The following BRPF1 variants were observed in gnomAD, a reference collection of about 807,000 sequenced individuals.
BRPF1 encodes peregrin.
A neutral mutation model predicts 115.0 loss-of-function variants in BRPF1; 15 were observed. That is an observed-to-expected ratio of 0.13 (90% CI 0.09 to 0.20). BRPF1 has a LOEUF of 0.20. Among genes scored for constraint, BRPF1 ranks in the 10% least tolerant of loss-of-function variants. BRPF1 has a pLI of 1.00. For synonymous variants in BRPF1, 647 were observed against 619.8 expected (o/e 1.04, Z -0.65); for missense variants, 1,118 against 1,638.3 (o/e 0.68, Z 5.48).
At position 9,734,066 on chromosome 3, in the gene BRPF1, G is replaced by C; in HGVS notation, c.-10-65G>C. ...TGAGGGGGAGGGCTAGAAAGACTGG[G>C]GTCTCTGGTGCAAATGGCCAGGAAC... On this transcript the variant is annotated intron_variant, in intron 1 of 13. Transcript: ENST00000383829. This position sits in a 1 kb window ranked among gnomAD's most constrained non-coding sequence, Gnocchi z 5.7. 1.3e-6 allele frequency: 2 copies of C among 1,518,970 alleles called. No homozygotes were observed. The highest frequency in any genetic ancestry group is 1.8e-6 in the Non-Finnish European group (2 of 1,136,226). 94.1% of individuals were successfully genotyped at this position (1,518,970 alleles called of 1,614,324 possible).
In BRPF1 at chr3:9,746,284, CTTA is replaced by C. The variant is rs776435529; in HGVS notation, c.3325-11_3325-9del. 11 of 1,533,640 alleles carry C rather than the reference CTTA, an allele frequency of 7.2e-6. No individual in the cohort carries two copies. The highest frequency in any genetic ancestry group is 4.2e-5 in the African/African-American group (3 of 72,176). ...GACATGGACTGAACCAAACTGGGCT[CTTA>C]TTATATCCTCAGATCATTGATCCAA... On this transcript the variant is annotated splice_polypyrimidine_tract_variant and intron_variant, in intron 12 of 13. Transcript: ENST00000383829.
At chr3:9,746,646 T>A (rs2077131911) in intron 13 of BRPF1, among the ~76,000 whole-genome samples, 192 bp downstream of exon 13, 1 of 152,108 alleles carries the variant, frequency 6.6e-6, no homozygotes, top group Admixed American at 6.5e-5. Flanking sequence ...TGGGCACTAG[T>A]GGACACAGCT....
chr3:9,738,519 G>C (rs1001792774), intron 2 of BRPF1, among the ~76,000 whole-genome samples: 10 of 152,320 alleles, frequency 6.6e-5, no homozygotes, highest in Admixed American at 6.5e-4. Flanking sequence ...CTCTAGTCGA[G>C]GCCCTGCCCA....
At chr3:9,740,006 C>CA (rs1390181516) in intron 3 of BRPF1, 48 bp downstream of exon 3, 1 of 1,496,822 alleles carries the variant, frequency 6.7e-7, no homozygotes, top group South Asian at 1.3e-5. Context: ...AAGGAGCCTC[C>CA]AGGAGAGGAG....
At chr3:9,738,513 A>AGTCGAGGCACTGGT (rs1280621465) in intron 2 of BRPF1, among the ~76,000 whole-genome samples, 2 of 152,232 alleles carry the variant, frequency 1.3e-5, no homozygotes, top group East Asian at 3.8e-4. Flanking sequence ...TGGCAGCTCT[A>AGTCGAGGCACTGGT]GTCGAGGCCC....
In BRPF1 at chr3:9,745,287, T is replaced by G. The variant is rs1205784969; in HGVS notation, c.3068+132T>G. ...GATTAAGATGGCTCAAACTCAAGGT[T>G]CTCTGCTAAATAAATAAATCAGTGT... On this transcript the variant is annotated intron_variant, in intron 10 of 13. Coordinates refer to ENST00000383829, the MANE Select transcript of BRPF1 (RefSeq NM_001003694.2). The surrounding 1 kb of genome is among the most constrained non-coding windows in gnomAD (Gnocchi z 5.1). 8 of 1,137,658 alleles carry G rather than the reference T, an allele frequency of 7.0e-6. No homozygotes were observed. The highest frequency in any genetic ancestry group is 8.6e-6 in the Non-Finnish European group (7 of 817,448). 70.5% of individuals were successfully genotyped at this position (1,137,658 alleles called of 1,614,324 possible). A position where few individuals can be genotyped will look rare whatever the true frequency, so the allele number is the denominator to read the frequency against.
At chr3:9,737,212 G>T (rs898452495) in intron 2 of BRPF1, among the ~76,000 whole-genome samples, 17 of 152,172 alleles carry the variant, frequency 1.1e-4, no homozygotes, top group Admixed American at 3.3e-4. Context: ...CCTTTCAAAT[G>T]AACAGTGATG....
chr3:9,737,444 T>A (rs2076960876), intron 2 of BRPF1, among the ~76,000 whole-genome samples: 1 of 152,212 alleles, frequency 6.6e-6, no homozygotes, highest in Non-Finnish European at 1.5e-5. Flanking sequence ...TGAAATAGGT[T>A]CAGATTATTA....
Position 9,742,121 on chromosome 3 carries a change from A to G in BRPF1, c.1951A>G (p.Asn651Asp), listed in dbSNP as rs1256318828. Residue 651 changes from asparagine (N) to aspartate (D), a missense_variant, in exon 6 of 14, where the codon AAC becomes GAC. By Grantham distance (23) the Asn-to-Asp change is conservative. This residue lies in a region of BRPF1 where 178 missense variants were observed against 303.7 expected (regional missense o/e 0.59). Transcript: ENST00000383829. Reference sequence around the variant, plus strand: ...GCAGCTCCAAGAGAAGGACACAGGCAACATCTTCAGCGAGCCGGTCCCTCT... The same window carrying G: ...GCAGCTCCAAGAGAAGGACACAGGCGACATCTTCAGCGAGCCGGTCCCTCT... ...LEQLQEKDTGNIFSEPVPLSE... is the reference protein window; with the variant it reads ...LEQLQEKDTGDIFSEPVPLSE... 6.2e-7 allele frequency: 1 copy of G among 1,614,098 alleles called. No homozygotes were observed. The highest frequency in any genetic ancestry group is 8.5e-7 in the Non-Finnish European group (1 of 1,180,044).
At position 9,734,924 on chromosome 3, in the gene BRPF1, A is replaced by C. The variant is rs201219501; in HGVS notation, c.599+185A>C. On this transcript the variant is annotated intron_variant, in intron 2 of 13. Transcript: ENST00000383829. This position sits in a 1 kb window ranked among gnomAD's most constrained non-coding sequence, Gnocchi z 5.7. ...CACTTACTCTACAGTGCCACACGCT[A>C]CTCCTTTATTTTATTCTCAAAACTC... is the stretch of plus-strand genomic sequence containing the variant. 2.0e-5 allele frequency among the ~76,000 whole-genome samples: 3 copies of C among 148,810 alleles called. No individual in the cohort carries two copies. The East Asian group carries it at 5.9e-4, about 29-fold the overall frequency.
Position 9,741,532 on chromosome 3 carries a change from G to A in BRPF1, c.1854+93G>A, listed in dbSNP as rs996045229. On this transcript the variant is annotated intron_variant, in intron 5 of 13. Coordinates refer to ENST00000383829, the MANE Select transcript of BRPF1 (RefSeq NM_001003694.2). ...GGCGCCTGTAGTCCCAGCTACTCGG[G>A]AGGCTGAGGCAGGAGAATGGCGTGA... is the stretch of plus-strand genomic sequence containing the variant. 5.3e-6 allele frequency: 7 copies of A among 1,318,410 alleles called. No homozygotes were observed. In the Admixed American group the frequency reaches 2.0e-4, roughly 38 times the overall value. The allele number at this position is 1,318,410 out of a possible 1,614,324, so 81.7% of individuals were successfully genotyped here.
In BRPF1 at chr3:9,744,232, C is replaced by T. The variant is rs751579661; in HGVS notation, c.2644C>T (p.Pro882Ser). Reference protein sequence around the residue: ...SSQETSKGLGPNMSSTPAHEV... With the variant: ...SSQETSKGLGSNMSSTPAHEV... ...TTCTTTCTCTGCTCCAGGCCTGGGT[C>T]CCAACATGTCCTCAACCCCCGCACA... Residue 882 changes from proline to serine, a missense_variant, in exon 9 of 14, where the codon CCC (proline) becomes TCC (serine). Physicochemically the swap from Pro to Ser is moderately conservative, Grantham distance 74. Around this residue, in one of 10 missense-constraint regions of BRPF1, gnomAD observed 223 missense variants for 240.7 expected, o/e 0.93. Coordinates refer to ENST00000383829, the MANE Select transcript of BRPF1 (RefSeq NM_001003694.2). 6.5e-7 allele frequency: 1 copy of T among 1,536,338 alleles called. No individual in the cohort carries two copies.
Position 9,739,526 on chromosome 3 carries a change from A to T in BRPF1, c.1127A>T (p.His376Leu). 2 of 1,613,490 alleles carry T rather than the reference A, an allele frequency of 1.2e-6. No homozygotes were observed. The highest frequency in any genetic ancestry group is 1.7e-6 in the Non-Finnish European group (2 of 1,179,486). Residue 376 changes from histidine (H) to leucine (L), a missense_variant, in exon 3 of 14, where the codon CAC becomes CTC. This residue lies in a region of BRPF1 where 64 missense variants were observed against 172.8 expected (regional missense o/e 0.37). Transcript: ENST00000383829. Reference sequence around the variant, plus strand: ...CTAGAGCCTATTGACAGCATTGAGCACATCCCACCAGCTCGCTGGAAGCTC... The same window carrying T: ...CTAGAGCCTATTGACAGCATTGAGCTCATCCCACCAGCTCGCTGGAAGCTC... Reference protein sequence around the residue: ...VFLEPIDSIEHIPPARWKLTC... With the variant: ...VFLEPIDSIELIPPARWKLTC...
chr3:9,743,181 A>G lies in BRPF1; in HGVS notation c.2239A>G (p.Ile747Val). 6.2e-7 allele frequency: 1 copy of G among 1,614,218 alleles called. No individual in the cohort carries two copies. The highest frequency in any genetic ancestry group is 8.5e-7 in the Non-Finnish European group (1 of 1,180,040). ...CCGGCGCCAGGCAGAAAAAATGGGC[A>G]TTGACTTTGAGACGGGCATGCATAT... is the stretch of plus-strand genomic sequence containing the variant. ...QARRQAEKMGIDFETGMHIPH... is the reference protein window; with the variant it reads ...QARRQAEKMGVDFETGMHIPH... Residue 747 changes from isoleucine (I) to valine (V), a missense_variant, in exon 7 of 14, where the codon ATT becomes GTT. Transcript: ENST00000383829. This position sits in a 1 kb window ranked among gnomAD's most constrained non-coding sequence, Gnocchi z 6.1.
In BRPF1 at chr3:9,744,245, C is replaced by T. The variant is rs767471009; in HGVS notation, c.2657C>T (p.Ser886Leu). The T allele has an allele frequency of 6.4e-7, 1 of 1,554,298 alleles. No individual in the cohort carries two copies. The highest frequency in any genetic ancestry group is 1.2e-5 in the South Asian group (1 of 82,712). Residue 886 changes from serine (S) to leucine (L), a missense_variant, in exon 9 of 14, where the codon TCA becomes TTA. This residue lies in a region of BRPF1 where 223 missense variants were observed against 240.7 expected (regional missense o/e 0.93). Transcript: ENST00000383829. ...CCAGGCCTGGGTCCCAACATGTCCT[C>T]AACCCCCGCACATGAGGTGGGCAGG... ...TSKGLGPNMS[S>L]TPAHEVGRRT... is the part of the protein sequence containing the mutation.
intron 2 of BRPF1, among the ~76,000 whole-genome samples, chr3:9,737,849 G>A (rs969021657): frequency 6.6e-6 from 1 of 152,144 alleles, no homozygotes; most frequent in Non-Finnish European, 1.5e-5. Flanking sequence ...ATAAATAAAT[G>A]TAAAGGCCAA....
chr3:9,743,783 C>T lies in BRPF1; in HGVS notation c.2517C>T (p.Gly839=). ...LAHQRETGRD[G]PERHGPSSRG... ...ATCAGCGAGAGACGGGACGTGATGG[C>T]CCTGAGCGGCATGGCCCCTCGAGCC... The change falls in exon 8 of 14, where the codon GGC becomes GGT. Residue 839 remains glycine (G), a synonymous_variant. Coordinates refer to ENST00000383829, the MANE Select transcript of BRPF1 (RefSeq NM_001003694.2). The surrounding 1 kb of genome is among the most constrained non-coding windows in gnomAD (Gnocchi z 6.1). 1 of 1,614,064 alleles carries T rather than the reference C, an allele frequency of 6.2e-7. No homozygotes were observed.
intron 2 of BRPF1, among the ~76,000 whole-genome samples, chr3:9,735,631 T>C (rs948189423): frequency 2.0e-5 from 3 of 152,266 alleles, no homozygotes; most frequent in Non-Finnish European, 4.4e-5. Flanking sequence ...GTTATTGTCA[T>C]CTGTCCTTTA....
At chr3:9,737,810 G>C (rs1465065886) in intron 2 of BRPF1, among the ~76,000 whole-genome samples, 1 of 152,184 alleles carries the variant, frequency 6.6e-6, no homozygotes, top group Non-Finnish European at 1.5e-5. Flanking sequence ...GGAGCCTGAT[G>C]GGGTAGTAGG....
Sources: gnomAD v4.1 joint callset for allele counts (sites outside exome capture counted in the v4.1 genomes callset) on GRCh38, gnomAD v4.1.1 for gene constraint, gnomAD v4.1.1 regional missense constraint, Gnocchi (gnomAD v3.1) non-coding constraint, MANE v1.5 for transcripts, NCBI Gene and HGNC (gene_info 2026-07-23, HGNC 2026-07-21) for gene names.